Variants in ENOX1 observed in about 807,000 individuals in gnomAD.
The protein encoded by ENOX1 is ecto-NOX disulfide-thiol exchanger 1.
In ENOX1, 42 loss-of-function variants were observed where a neutral mutation model predicts 82.5. That is an observed-to-expected ratio of 0.51 (90% confidence interval 0.40 to 0.66). The LOEUF is 0.66. Among genes scored for constraint, ENOX1 ranks in the 30% least tolerant of loss-of-function variants. ENOX1 has a pLI of 0.00. For missense variants in ENOX1, 608 were observed against 811.6 expected, an observed-to-expected ratio of 0.75 and a Z score of 3.05; for synonymous variants, 271 against 282.2, an observed-to-expected ratio of 0.96 and a Z score of 0.40.
chr13:43,512,895 C>A (rs2077423174), intron 2 of ENOX1, among the ~76,000 whole-genome samples: 2 of 151,994 alleles, frequency 1.3e-5, no homozygotes, highest in Non-Finnish European at 2.9e-5. Context: ...ATTTATTAAG[C>A]ACCTAAGATA....
intron 2 of ENOX1, among the ~76,000 whole-genome samples, chr13:43,502,908 T>G (rs1473200662): frequency 1.3e-5 from 2 of 151,318 alleles, no homozygotes; most frequent in East Asian, 3.9e-4. Flanking sequence ...AAGGAAATAA[T>G]TGGGAAGAAA....
Position 43,612,562 on chromosome 13 carries a change from GA to G in ENOX1, c.-219+54916del, listed in dbSNP as rs1386579528. Among the ~76,000 whole-genome samples the G allele has an allele frequency of 5.3e-5, 8 of 152,038 alleles. No homozygotes were observed. In the East Asian group the frequency reaches 1.5e-3, roughly 29 times the overall value. On this transcript the variant is annotated intron_variant, in intron 2 of 16. Transcript: ENST00000690772. ...AGGATTCAGGGTACCTTCCAAAAGC[GA>G]AAAGTAAAGGCAGACTTCAGGGCTC... is the stretch of plus-strand genomic sequence containing the variant.
intron 2 of ENOX1, among the ~76,000 whole-genome samples, chr13:43,530,939 A>G (rs1303522358): frequency 6.6e-6 from 1 of 152,084 alleles, no homozygotes; most frequent in Non-Finnish European, 1.5e-5. Flanking sequence ...AGTAATTTAT[A>G]TATAATTAGA....
chr13:43,331,185 G>A (rs2048390002), intron 9 of ENOX1, among the ~76,000 whole-genome samples: 1 of 152,234 alleles, frequency 6.6e-6, no homozygotes, highest in Non-Finnish European at 1.5e-5. Flanking sequence ...GGGCAGGAAT[G>A]CATGGGAGAT....
At chr13:43,733,934 G>A (rs1316116720) in intron 1 of ENOX1, among the ~76,000 whole-genome samples, 5 of 152,032 alleles carry the variant, frequency 3.3e-5, no homozygotes, top group African/African-American at 7.2e-5. Flanking sequence ...AATACAGCCT[G>A]GGTGCCAGAG....
chr13:43,488,668 T>G (rs571048031), intron 2 of ENOX1, among the ~76,000 whole-genome samples: 1 of 152,216 alleles, frequency 6.6e-6, no homozygotes, highest in Admixed American at 6.5e-5. Context: ...AGGGCAATTG[T>G]GGTGAGGGCT....
chr13:43,674,396 C>G (rs1467756860), intron 1 of ENOX1, among the ~76,000 whole-genome samples: 1 of 152,070 alleles, frequency 6.6e-6, no homozygotes, highest in African/African-American at 2.4e-5. Context: ...CCAAACAGAG[C>G]AAAAGGCTAC....
intron 2 of ENOX1, among the ~76,000 whole-genome samples, chr13:43,621,585 T>C (rs2082733890): frequency 6.6e-6 from 1 of 152,228 alleles, no homozygotes; most frequent in African/African-American, 2.4e-5. Context: ...AGGGTCCCAA[T>C]CCCGTCTAGC....
intron 5 of ENOX1, among the ~76,000 whole-genome samples, chr13:43,367,254 G>A (rs528840965): frequency 1.3e-5 from 2 of 152,154 alleles, no homozygotes; most frequent in Admixed American, 1.3e-4. Flanking sequence ...TCTGGCATAG[G>A]GTTTGTAAGA....
intron 2 of ENOX1, among the ~76,000 whole-genome samples, chr13:43,513,638 A>C (rs915452169): frequency 1.3e-5 from 2 of 152,154 alleles, no homozygotes; most frequent in African/African-American, 4.8e-5. Context: ...TCCACAAGGA[A>C]ATTTTTAGTT....
chr13:43,640,884 GCACA>G (rs1566688826), intron 2 of ENOX1, among the ~76,000 whole-genome samples: 3 of 132,390 alleles, frequency 2.3e-5, no homozygotes, highest in Non-Finnish European at 4.7e-5. Context: ...ACACACACGC[GCACA>G]CACACACGTA....
At position 43,218,149 on chromosome 13, in the gene ENOX1, A is replaced by C. The variant is rs115936125; in HGVS notation, c.1801-4028T>G. 4.1e-3 allele frequency among the ~76,000 whole-genome samples: 625 copies of C among 152,346 alleles called. 7 individuals are homozygous for C. The highest frequency in any genetic ancestry group is 0.014 in the African/African-American group (600 of 41,574). On this transcript the variant is annotated intron_variant, in intron 16 of 16. Coordinates refer to ENST00000690772, the MANE Select transcript of ENOX1 (RefSeq NM_001347969.2). ...CGTAATTACTTAATACATACTTCAG[A>C]TTTTGAGAAAGCCAGAAATTAGTGT...
intron 5 of ENOX1, among the ~76,000 whole-genome samples, chr13:43,402,616 A>G (rs959057250): frequency 2.6e-5 from 4 of 152,218 alleles, no homozygotes; most frequent in African/African-American, 9.6e-5. Flanking sequence ...CACACTGTAA[A>G]CTAGAAGGCA....
intron 1 of ENOX1, among the ~76,000 whole-genome samples, chr13:43,673,275 A>G (rs924031603): frequency 3.3e-5 from 5 of 152,224 alleles, no homozygotes; most frequent in African/African-American, 1.2e-4. Flanking sequence ...GATCTATAAA[A>G]TTAAAACAGA....
chr13:43,722,763 A>G (rs913611206), intron 1 of ENOX1, among the ~76,000 whole-genome samples: 1 of 152,228 alleles, frequency 6.6e-6, no homozygotes, highest in Non-Finnish European at 1.5e-5. Context: ...ATCCAAGATC[A>G]CAAAGCCAAC....
intron 1 of ENOX1, among the ~76,000 whole-genome samples, chr13:43,699,231 C>T (rs2086792132): frequency 6.6e-6 from 1 of 152,130 alleles, no homozygotes; most frequent in South Asian, 2.1e-4. Flanking sequence ...GGGAAGAATG[C>T]CTCCTATGGA....
chr13:43,592,879 A>T (rs1223559202), intron 2 of ENOX1, among the ~76,000 whole-genome samples: 1 of 152,212 alleles, frequency 6.6e-6, no homozygotes, highest in East Asian at 1.9e-4. Flanking sequence ...AATTGATCTC[A>T]AGGAGATATT....
chr13:43,282,179 A>C (rs2045425462), intron 12 of ENOX1, among the ~76,000 whole-genome samples: 1 of 152,156 alleles, frequency 6.6e-6, no homozygotes, highest in South Asian at 2.1e-4. Context: ...GAGATCTATT[A>C]CATTGATAGA....
chr13:43,370,171 A>T (rs1401838590), intron 5 of ENOX1, among the ~76,000 whole-genome samples: 1 of 152,070 alleles, frequency 6.6e-6, no homozygotes, highest in Non-Finnish European at 1.5e-5. Context: ...ATCGAGACCA[A>T]CCTGGCTAAC....
Sources: gnomAD v4.1 joint callset for allele counts (sites outside exome capture counted in the v4.1 genomes callset) on GRCh38, gnomAD v4.1.1 for gene constraint, MANE v1.5 for transcripts, NCBI Gene and HGNC (gene_info 2026-07-23, HGNC 2026-07-21) for gene names.